The following TIMP3 variants were observed in gnomAD, a reference collection of about 807,000 sequenced individuals.
TIMP3 encodes the protein metalloproteinase inhibitor 3.
In TIMP3, 11 loss-of-function variants were observed where a neutral mutation model predicts 30.0. The ratio of observed to expected loss-of-function variants is 0.37; its 90% CI spans 0.23 to 0.61. The LOEUF (loss-of-function observed/expected upper bound fraction) is 0.61, where lower values mean the gene tolerates loss of function less well. Among genes scored for constraint, TIMP3 ranks in the 20% least tolerant of loss-of-function variants. The probability of loss-of-function intolerance (pLI) is 0.70; values close to 1 mark genes in which losing one functional copy is unlikely to be tolerated. For synonymous variants in TIMP3, 112 were observed against 111.3 expected (o/e 1.01, Z -0.04); for missense variants, 181 against 276.8 (o/e 0.65, Z 2.45).
chr22:32,844,508 G>A (rs901553484), intron 1 of TIMP3, among the ~76,000 whole-genome samples: 1 of 152,170 alleles, frequency 6.6e-6, no homozygotes, highest in Non-Finnish European at 1.5e-5. Flanking sequence ...ATATTCAAAG[G>A]AAGCAAAGAC....
At chr22:32,858,224 G>T (rs1298463330) in intron 4 of TIMP3, 86 bp downstream of exon 4, 2 of 1,575,424 alleles carry the variant, frequency 1.3e-6, no homozygotes, top group Non-Finnish European at 1.7e-6. Context: ...TGGGTGCCAG[G>T]CCCTCGGCTG....
chr22:32,852,918 ATTG>A (rs1405410623), intron 2 of TIMP3, among the ~76,000 whole-genome samples: 2 of 152,146 alleles, frequency 1.3e-5, no homozygotes, highest in African/African-American at 2.4e-5. Flanking sequence ...GCCAGGAGTT[ATTG>A]TTTATGTAGC....
chr22:32,820,025 T>A (rs2047191232), intron 1 of TIMP3, among the ~76,000 whole-genome samples: 1 of 151,966 alleles, frequency 6.6e-6, no homozygotes, highest in South Asian at 2.1e-4. Context: ...CTTGAGGGGA[T>A]TTTTTGGTGT....
chr22:32,828,781 C>T (rs547530015), intron 1 of TIMP3, among the ~76,000 whole-genome samples: 3 of 152,288 alleles, frequency 2.0e-5, no homozygotes, highest in East Asian at 1.9e-4. Flanking sequence ...CTCATCAGCA[C>T]GCTGGACTGA....
intron 2 of TIMP3, among the ~76,000 whole-genome samples, chr22:32,850,553 G>A (rs998257285): frequency 6.6e-6 from 1 of 152,142 alleles, no homozygotes; most frequent in Non-Finnish European, 1.5e-5. Flanking sequence ...CCAGCTAGGA[G>A]CCAGGGAGGC....
Position 32,858,027 on chromosome 22 carries a change from T to C in TIMP3, c.327T>C (p.Tyr109=), listed in dbSNP as rs2048421250. The C allele has an allele frequency of 1.2e-6, 2 of 1,614,170 alleles. No homozygotes were observed. Among genetic ancestry groups the C allele is most frequent in the African/African-American group, 2.7e-5 (2 of 75,046 alleles). ...KYQYLLTGRV[Y]DGKMYTGLCN... is the part of the protein sequence containing the mutation. ...TCTTTCCTCCTGTAGGTCGCGTCTATGATGGCAAGATGTACACGGGGCTGT... is the reference window on the plus strand; with the variant it reads ...TCTTTCCTCCTGTAGGTCGCGTCTACGATGGCAAGATGTACACGGGGCTGT... The change falls in exon 4 of 5, where the codon TAT becomes TAC. Residue 109 remains tyrosine, a synonymous_variant. Coordinates refer to ENST00000266085, the MANE Select transcript of TIMP3 (RefSeq NM_000362.5).
At chr22:32,847,489 A>G (rs930869519) in intron 1 of TIMP3, among the ~76,000 whole-genome samples, 1 of 152,222 alleles carries the variant, frequency 6.6e-6, no homozygotes, top group African/African-American at 2.4e-5. Context: ...TGAAGGGGCC[A>G]TTGATTCATC....
rs1049941923 is a variant in TIMP3, at chr22:32,837,292, C to T, written c.122-12160C>T. 1.3e-5 allele frequency among the ~76,000 whole-genome samples: 2 copies of T among 152,186 alleles called. No individual in the cohort carries two copies. Among genetic ancestry groups the T allele is most frequent in the African/African-American group, 2.4e-5 (1 of 41,430 alleles). On this transcript the variant is annotated intron_variant, in intron 1 of 4. Coordinates refer to ENST00000266085, the MANE Select transcript of TIMP3 (RefSeq NM_000362.5). This position sits in a 1 kb window ranked among gnomAD's most constrained non-coding sequence, Gnocchi z 4.1. ...TGGGATAAAGTTTCCCATGGGCCCC[C>T]GTGGAGAGGCTGGAGCACTCTCAGG...
intron 1 of TIMP3, among the ~76,000 whole-genome samples, chr22:32,838,722 C>A (rs543422142): frequency 6.0e-4 from 91 of 152,112 alleles, no homozygotes; most frequent in Admixed American, 1.6e-3. Context: ...GGACTCCTGA[C>A]CCAGCACTCC....
chr22:32,819,332 C>A (rs938917845), intron 1 of TIMP3, among the ~76,000 whole-genome samples: 3 of 152,234 alleles, frequency 2.0e-5, no homozygotes, highest in Admixed American at 1.3e-4. Flanking sequence ...GGACACGATG[C>A]CTTGCTGGTG....
chr22:32,813,237 A>G (rs1451679360), intron 1 of TIMP3, among the ~76,000 whole-genome samples: 2 of 152,170 alleles, frequency 1.3e-5, no homozygotes, highest in Non-Finnish European at 2.9e-5. Context: ...TGATTTCTTT[A>G]TTATAAGACA....
At chr22:32,846,539 G>A (rs1051873408) in intron 1 of TIMP3, among the ~76,000 whole-genome samples, 3 of 152,114 alleles carry the variant, frequency 2.0e-5, no homozygotes, top group Admixed American at 1.3e-4. Context: ...ATATTAATAC[G>A]ACCCTCACAG....
chr22:32,806,491 C>T (rs915174654), intron 1 of TIMP3, among the ~76,000 whole-genome samples: 2 of 152,148 alleles, frequency 1.3e-5, no homozygotes, highest in East Asian at 3.9e-4. Flanking sequence ...TACCTTTTGT[C>T]ATAGTCTACT....
chr22:32,801,934 CGCCG>C lies in TIMP3; in HGVS notation c.-65_-62del, dbSNP rs2046594107. 6.6e-7 allele frequency: 1 copy of C among 1,516,560 alleles called. No individual in the cohort carries two copies. The highest frequency in any genetic ancestry group is 2.6e-5 in the East Asian group (1 of 38,736). 93.9% of individuals were successfully genotyped at this position (1,516,560 alleles called of 1,614,324 possible). A position where few individuals can be genotyped will look rare whatever the true frequency, so the allele number is the denominator to read the frequency against. Reference sequence around the variant, plus strand: ...GAGCGAGCTCGGGCTGCAGCAGCCCCGCCGGCGGCGCGCACGGCAACTTTGGAGA... The same window carrying C: ...GAGCGAGCTCGGGCTGCAGCAGCCCCGCGGCGCGCACGGCAACTTTGGAGA... On this transcript the variant is annotated 5_prime_UTR_variant, in exon 1 of 5. Coordinates refer to ENST00000266085, the MANE Select transcript of TIMP3 (RefSeq NM_000362.5). This position sits in a 1 kb window ranked among gnomAD's most constrained non-coding sequence, Gnocchi z 4.7.
At chr22:32,832,095 C>G (rs1227507219) in intron 1 of TIMP3, among the ~76,000 whole-genome samples, 2 of 152,184 alleles carry the variant, frequency 1.3e-5, no homozygotes, top group Non-Finnish European at 2.9e-5. Flanking sequence ...GTACTTGTTT[C>G]TGTCCCCAGT....
chr22:32,814,398 T>A (rs2047034683), intron 1 of TIMP3, among the ~76,000 whole-genome samples: 1 of 112,086 alleles, frequency 8.9e-6, no homozygotes, highest in Non-Finnish European at 1.9e-5. Context: ...CATTGGGAGC[T>A]GAGCTTAATG....
At chr22:32,835,019 T>A (rs895021466) in intron 1 of TIMP3, among the ~76,000 whole-genome samples, 1 of 152,240 alleles carries the variant, frequency 6.6e-6, no homozygotes, top group African/African-American at 2.4e-5. Flanking sequence ...CTTGGTCTGA[T>A]TGCTGTACCC....
intron 1 of TIMP3, among the ~76,000 whole-genome samples, chr22:32,822,678 C>G (rs959522206): frequency 6.6e-6 from 1 of 152,148 alleles, no homozygotes; most frequent in East Asian, 1.9e-4. Context: ...ATCTGCACTT[C>G]CTCTTCTGCT....
intron 1 of TIMP3, among the ~76,000 whole-genome samples, chr22:32,825,036 G>A (rs1182130675): frequency 2.6e-5 from 4 of 152,180 alleles, no homozygotes; most frequent in Non-Finnish European, 5.9e-5. Flanking sequence ...TGAAATCGCA[G>A]GCTGGGTCCA....
Sources: allele counts gnomAD v4.1 joint callset (sites outside exome capture counted in the v4.1 genomes callset), GRCh38; gene constraint gnomAD v4.1.1; non-coding constraint Gnocchi (gnomAD v3.1); transcripts MANE v1.5; gene names NCBI Gene and HGNC (gene_info 2026-07-23, HGNC 2026-07-21).